ERBB4: variants seen among roughly 807,000 people sequenced by gnomAD.
The protein encoded by ERBB4 is receptor tyrosine-protein kinase erbB-4.
In ERBB4, 42 loss-of-function variants were observed where a neutral mutation model predicts 158.0. The observed-to-expected ratio is 0.27, with a 90% CI of 0.21 to 0.34. ERBB4 has a LOEUF of 0.34. ERBB4 is among the 10% of genes least tolerant of loss of function. The pLI, the probability that ERBB4 is intolerant of heterozygous loss-of-function variation, is 1.00. For missense variants in ERBB4, 1,333 were observed against 1,624.1 expected, an observed-to-expected ratio of 0.82 and a Z score of 3.08; for synonymous variants, 583 against 558.7, an observed-to-expected ratio of 1.04 and a Z score of -0.61.
At chr2:212,146,754 G>A (rs1265761696) in intron 1 of ERBB4, among the ~76,000 whole-genome samples, 1 of 152,140 alleles carries the variant, frequency 6.6e-6, no homozygotes, top group African/African-American at 2.4e-5. Context: ...TTCTGTGAGT[G>A]CAGTGGAGTC....
At chr2:212,258,845 G>A (rs531526520) in intron 1 of ERBB4, among the ~76,000 whole-genome samples, 2 of 151,842 alleles carry the variant, frequency 1.3e-5, no homozygotes, top group Non-Finnish European at 1.5e-5. Flanking sequence ...AAAAGCTTTT[G>A]TATCTTCCAT....
At chr2:212,049,689 TA>T (rs1197126772) in intron 2 of ERBB4, among the ~76,000 whole-genome samples, 1 of 152,210 alleles carries the variant, frequency 6.6e-6, no homozygotes, top group Non-Finnish European at 1.5e-5. Flanking sequence ...GTTATTTCTT[TA>T]AAAATTATGA....
intron 20 of ERBB4, among the ~76,000 whole-genome samples, chr2:211,480,496 T>C (rs1170236504): frequency 6.6e-6 from 1 of 152,170 alleles, no homozygotes; most frequent in Non-Finnish European, 1.5e-5. Context: ...ACAAACTTGC[T>C]TCCCCTTGGC....
At chr2:211,905,489 G>A (rs2079354858) in intron 3 of ERBB4, among the ~76,000 whole-genome samples, 2 of 151,426 alleles carry the variant, frequency 1.3e-5, no homozygotes, top group South Asian at 4.2e-4. Context: ...GTATCTTGAG[G>A]AGCCATTATT....
chr2:211,566,443 A>G (rs1375678461), intron 19 of ERBB4, among the ~76,000 whole-genome samples: 1 of 152,232 alleles, frequency 6.6e-6, no homozygotes, highest in Non-Finnish European at 1.5e-5. Flanking sequence ...TAGCAGAGCC[A>G]GAAATCTACG....
intron 1 of ERBB4, among the ~76,000 whole-genome samples, chr2:212,215,510 G>A (rs930790816): frequency 4.0e-5 from 6 of 150,998 alleles, no homozygotes; most frequent in Admixed American, 2.0e-4. Flanking sequence ...ACATAAGTCT[G>A]GTATATTTTA....
At chr2:211,424,003 A>G in intron 23 of ERBB4, 152 bp downstream of exon 23, 1 of 729,586 alleles carries the variant, frequency 1.4e-6, no homozygotes, top group Non-Finnish European at 2.4e-6. Context: ...TATTAATAAT[A>G]GTCACAACAA....
Position 211,383,735 on chromosome 2 carries a change from T to C in ERBB4, c.3807A>G (p.Lys1269=), listed in dbSNP as rs2125309062. Residue 1269 remains lysine, a synonymous_variant, in exon 28 of 28, where the codon AAA becomes AAG. Coordinates refer to ENST00000342788, the MANE Select transcript of ERBB4 (RefSeq NM_005235.3). ...CAATAGGCCGGATCCGCCCATTCTG[T>C]TTATAAAAATATTTTGTGCTGTACT... The part of the protein sequence containing the change: ...LQEYSTKYFY[K]QNGRIRPIVA... 1 of 1,614,050 alleles carries C rather than the reference T, an allele frequency of 6.2e-7. No homozygotes were observed.
intron 1 of ERBB4, among the ~76,000 whole-genome samples, chr2:212,348,273 A>T (rs1324559436): frequency 1.3e-5 from 2 of 152,104 alleles, no homozygotes; most frequent in Non-Finnish European, 2.9e-5. Context: ...TTGGTAAGGC[A>T]CCTACTTATA....
chr2:211,396,529 A>G (rs1032715711), intron 25 of ERBB4, among the ~76,000 whole-genome samples: 1 of 152,214 alleles, frequency 6.6e-6, no homozygotes, highest in African/African-American at 2.4e-5. Flanking sequence ...TTTATTATAT[A>G]TTCAACATTT....
chr2:211,525,033 C>T (rs1047777090), intron 20 of ERBB4, among the ~76,000 whole-genome samples: 15 of 152,160 alleles, frequency 9.9e-5, no homozygotes, highest in African/African-American at 3.4e-4. Flanking sequence ...ACTCACCATC[C>T]TAGTGGCCAG....
At chr2:212,046,819 G>GT (rs1014782231) in intron 2 of ERBB4, among the ~76,000 whole-genome samples, 3 of 152,026 alleles carry the variant, frequency 2.0e-5, no homozygotes, top group Non-Finnish European at 4.4e-5. Flanking sequence ...ATGGTAAGCT[G>GT]TTTTTTTCTC....
At chr2:211,423,141 C>T (rs765761560) in intron 23 of ERBB4, among the ~76,000 whole-genome samples, 1 of 151,898 alleles carries the variant, frequency 6.6e-6, no homozygotes, top group Non-Finnish European at 1.5e-5. Context: ...ACAGGTGTTT[C>T]TGAAACTATT....
chr2:212,280,360 T>TC (rs1238104722), intron 1 of ERBB4, among the ~76,000 whole-genome samples: 3 of 151,546 alleles, frequency 2.0e-5, no homozygotes, highest in Non-Finnish European at 4.4e-5. Context: ...GCATCTGATC[T>TC]CCCCACTTGG....
intron 1 of ERBB4, among the ~76,000 whole-genome samples, chr2:212,380,500 G>T (rs1160046545): frequency 6.8e-6 from 1 of 147,278 alleles, no homozygotes; most frequent in Non-Finnish European, 1.5e-5. Context: ...ATGATGTTAT[G>T]CTAAGTGATA....
At position 211,671,350 on chromosome 2, in the gene ERBB4, A is replaced by G. The variant is rs1044343487; in HGVS notation, c.1716+1814T>C. On this transcript the variant is annotated intron_variant, in intron 14 of 27. Transcript: ENST00000342788. Reference sequence around the variant, plus strand: ...CCTGGCACAAACTAGGTACTAAATAATATTTGCTGAATAAATGAATAAGAT... The same window carrying G: ...CCTGGCACAAACTAGGTACTAAATAGTATTTGCTGAATAAATGAATAAGAT... 8.5e-5 allele frequency among the ~76,000 whole-genome samples: 13 copies of G among 152,312 alleles called. No individual in the cohort carries two copies. In the East Asian group the frequency reaches 2.5e-3, roughly 29 times the overall value.
intron 20 of ERBB4, among the ~76,000 whole-genome samples, chr2:211,559,217 T>A (rs1490458002): frequency 6.6e-6 from 1 of 152,068 alleles, no homozygotes; most frequent in Non-Finnish European, 1.5e-5. Context: ...TCCATCTACT[T>A]CTCCTTATTG....
intron 1 of ERBB4, among the ~76,000 whole-genome samples, chr2:212,203,271 G>A (rs1010450111): frequency 3.9e-5 from 6 of 152,108 alleles, no homozygotes; most frequent in Admixed American, 3.3e-4. Flanking sequence ...TAAAACCAGG[G>A]AAGAAATTAG....
At chr2:211,848,163 C>T (rs1050145107) in intron 3 of ERBB4, among the ~76,000 whole-genome samples, 1 of 152,016 alleles carries the variant, frequency 6.6e-6, no homozygotes, top group Non-Finnish European at 1.5e-5. Context: ...AAAATATTAT[C>T]TACCTGATAT....
Sources: allele counts gnomAD v4.1 joint callset (sites outside exome capture counted in the v4.1 genomes callset), GRCh38; gene constraint gnomAD v4.1.1; transcripts MANE v1.5; gene names NCBI Gene and HGNC (gene_info 2026-07-23, HGNC 2026-07-21).